The following PKHD1 variants were observed in gnomAD, a reference collection of about 807,000 sequenced individuals.
The protein encoded by PKHD1 is fibrocystin.
Under a neutral mutation model 412.0 loss-of-function variants are expected in PKHD1, and 291 were observed. The ratio of observed to expected loss-of-function variants is 0.71; its 90% CI spans 0.64 to 0.78. PKHD1 has a LOEUF of 0.78. Among genes scored for constraint, PKHD1 ranks in the 30% least tolerant of loss-of-function variants. The probability of loss-of-function intolerance (pLI) is 0.00; values close to 1 mark genes in which losing one functional copy is unlikely to be tolerated. For missense variants in PKHD1, 4,825 were observed against 4,950.7 expected (o/e 0.97, Z 0.76); for synonymous variants, 1,777 against 1,821.5 (o/e 0.98, Z 0.62).
intron 60 of PKHD1, among the ~76,000 whole-genome samples, chr6:51,712,728 T>C (rs1007245266): frequency 6.6e-6 from 1 of 152,230 alleles, no homozygotes; most frequent in Non-Finnish European, 1.5e-5. Flanking sequence ...ATTACCAGCC[T>C]AGCCCTGCGA....
chr6:51,926,682 A>C (rs1185301078), intron 37 of PKHD1, among the ~76,000 whole-genome samples: 1 of 152,322 alleles, frequency 6.6e-6, no homozygotes, highest in East Asian at 1.9e-4. Flanking sequence ...TATACTATTA[A>C]TTTAAGGAAC....
At chr6:51,784,132 T>C (rs1473706488) in intron 53 of PKHD1, among the ~76,000 whole-genome samples, 2 of 152,198 alleles carry the variant, frequency 1.3e-5, no homozygotes, top group Non-Finnish European at 2.9e-5. Context: ...AATTAAAACA[T>C]GCTATTCATA....
At chr6:51,712,369 A>G (rs1312613710) in intron 60 of PKHD1, among the ~76,000 whole-genome samples, 1 of 152,200 alleles carries the variant, frequency 6.6e-6, no homozygotes, top group Admixed American at 6.5e-5. Flanking sequence ...AGAAGTACTC[A>G]AGGGGGTCAG....
chr6:51,691,503 C>T (rs1201839815), intron 60 of PKHD1, among the ~76,000 whole-genome samples: 1 of 152,082 alleles, frequency 6.6e-6, no homozygotes, highest in African/African-American at 2.4e-5. Context: ...ATGTGCTTTG[C>T]AAGGACATTG....
intron 52 of PKHD1, among the ~76,000 whole-genome samples, chr6:51,811,455 T>C (rs951440738): frequency 2.0e-4 from 30 of 152,222 alleles, no homozygotes; most frequent in Non-Finnish European, 7.3e-5. Context: ...ATTACTGATA[T>C]GATAGTATTT....
intron 48 of PKHD1, among the ~76,000 whole-genome samples, chr6:51,862,638 C>T (rs9382040): frequency 0.4 from 61,153 of 151,946 alleles, 13,491 homozygotes; most frequent in East Asian, 0.85. Context: ...AACACTGACA[C>T]CTTAAGAGTG....
At chr6:51,982,815 A>T (rs149767837) in intron 35 of PKHD1, among the ~76,000 whole-genome samples, 9,191 of 139,766 alleles carry the variant, frequency 0.066, 368 homozygotes, top group African/African-American at 0.15. Context: ...ATAAAAAAAA[A>T]AATAATAATA....
At chr6:51,919,399 T>TG in intron 37 of PKHD1, among the ~76,000 whole-genome samples, 2 of 152,332 alleles carry the variant, frequency 1.3e-5, no homozygotes, top group East Asian at 3.9e-4. Context: ...CTTTCCCCAT[T>TG]GCTTGTTTCT....
At chr6:51,672,294 C>T (rs1398194089) in intron 60 of PKHD1, among the ~76,000 whole-genome samples, 1 of 152,168 alleles carries the variant, frequency 6.6e-6, no homozygotes, top group Non-Finnish European at 1.5e-5. Context: ...CTCAGTTTCC[C>T]CTTAGCTAGA....
intron 61 of PKHD1, among the ~76,000 whole-genome samples, chr6:51,656,575 T>A (rs1007830282): frequency 6.6e-6 from 1 of 152,028 alleles, no homozygotes; most frequent in African/African-American, 2.4e-5. Context: ...CAGAAGAGGC[T>A]AGTTCACTGT....
At chr6:51,999,754 A>G (rs1041511008) in intron 35 of PKHD1, among the ~76,000 whole-genome samples, 2 of 152,248 alleles carry the variant, frequency 1.3e-5, no homozygotes, top group Non-Finnish European at 2.9e-5. Context: ...TATGTATATT[A>G]GACTCAAAAC....
rs149120314 is a variant in PKHD1, at chr6:51,999,805, A to C, written c.5751+10504T>G. 2.2e-3 allele frequency among the ~76,000 whole-genome samples: 331 copies of C among 152,340 alleles called. 2 individuals are homozygous for C. Among genetic ancestry groups the C allele is most frequent in the South Asian group, 8.9e-3 (43 of 4,824 alleles). ...GCTTTCAGCAAAATAAAAAATGTTT[A>C]ACATGTCTAGTATAGAACCACATAT... is the stretch of plus-strand genomic sequence containing the variant. On this transcript the variant is annotated intron_variant, in intron 35 of 66. Transcript: ENST00000371117.
rs1463366685 is a variant in PKHD1 at position 51,762,748 on chromosome 6, CAA to C, written c.8643-7812_8643-7811del. On this transcript the variant is annotated intron_variant, in intron 55 of 66. Coordinates refer to ENST00000371117, the MANE Select transcript of PKHD1 (RefSeq NM_138694.4). ...CTTATATCACAATATATTAGAAAGA[CAA>C]AGACTTATTGAATTGACTTTTAAGA... Among the ~76,000 whole-genome samples, 6 of 151,596 alleles carry C rather than the reference CAA, an allele frequency of 4.0e-5. No homozygotes were observed. In the East Asian group the frequency reaches 9.7e-4, roughly 25 times the overall value.
At chr6:51,780,609 T>C (rs1791832293) in intron 53 of PKHD1, among the ~76,000 whole-genome samples, 1 of 152,134 alleles carries the variant, frequency 6.6e-6, no homozygotes, top group African/African-American at 2.4e-5. Flanking sequence ...TGCTCAATCA[T>C]ATCATAAAAA....
chr6:52,086,346 A>G (rs1378799824), intron 1 of PKHD1, among the ~76,000 whole-genome samples: 3 of 152,016 alleles, frequency 2.0e-5, no homozygotes, highest in African/African-American at 4.8e-5. Context: ...CCTGGCCTCA[A>G]GTGATCTCCC....
chr6:51,903,959 A>T, intron 42 of PKHD1, 27 bp downstream of exon 42: 1 of 1,432,916 alleles, frequency 7.0e-7, no homozygotes, highest in Non-Finnish European at 9.8e-7. Flanking sequence ...ACACTGTAAT[A>T]GATTTAAAAT....
intron 34 of PKHD1, among the ~76,000 whole-genome samples, chr6:52,014,789 CATGGATGG>C (rs55884238): frequency 0.023 from 3,229 of 142,244 alleles, 66 homozygotes; most frequent in South Asian, 0.087. Context: ...ATGGATGGAT[CATGGATGG>C]ATGGATGGAT....
Position 51,748,271 on chromosome 6 carries a change from T to C in PKHD1, c.9345A>G (p.Glu3115=), listed in dbSNP as rs760710708. The change falls in exon 58 of 67, where the codon GAA becomes GAG. Residue 3115 remains glutamate (E), a synonymous_variant. Coordinates refer to ENST00000371117, the MANE Select transcript of PKHD1 (RefSeq NM_138694.4). ...HIRGHKCSSC[E]LLWSDNVAHS... ...GCGCCACATTGTCAGACCAAAGCAG[T>C]TCACAAGAGGAGCACTTGTGGCCTC... is the stretch of plus-strand genomic sequence containing the variant. 452 of 1,613,924 alleles carry C rather than the reference T, an allele frequency of 2.8e-4. No homozygotes were observed. Among genetic ancestry groups the C allele is most frequent in the Non-Finnish European group, 3.7e-4 (436 of 1,179,974 alleles).
At chr6:51,781,278 A>G (rs1485111452) in intron 53 of PKHD1, among the ~76,000 whole-genome samples, 2 of 152,108 alleles carry the variant, frequency 1.3e-5, no homozygotes, top group Admixed American at 6.6e-5. Flanking sequence ...AACTGATTCC[A>G]TCTGAAAATA....
Sources: allele counts gnomAD v4.1 joint callset (sites outside exome capture counted in the v4.1 genomes callset), GRCh38; gene constraint gnomAD v4.1.1; transcripts MANE v1.5; gene names NCBI Gene and HGNC (gene_info 2026-07-23, HGNC 2026-07-21).